The following NEBL variants were observed in gnomAD, a reference collection of about 807,000 sequenced individuals.
NEBL encodes LIM and SH3 protein 2.
In NEBL, 122 loss-of-function variants were observed where a neutral mutation model predicts 140.2. That is an observed-to-expected ratio of 0.87 (90% CI 0.75 to 1.01). The LOEUF (loss-of-function observed/expected upper bound fraction) is 1.01. NEBL is among the 50% of genes least tolerant of loss of function. The pLI is 0.00. For synonymous variants in NEBL, 436 were observed against 398.9 expected (o/e 1.09, Z -1.11); for missense variants, 1,365 against 1,231.3 (o/e 1.11, Z -1.62).
chr10:21,030,478 A>G, intron 2 of NEBL: 7 of 768,202 alleles, frequency 9.1e-6, no homozygotes, highest in Non-Finnish European at 1.6e-5. Flanking sequence ...ATCAGCCCCA[A>G]AAGGTAATGC....
chr10:21,119,862 T>C (rs889034778), intron 2 of NEBL, among the ~76,000 whole-genome samples: 2 of 152,114 alleles, frequency 1.3e-5, no homozygotes, highest in Non-Finnish European at 2.9e-5. Flanking sequence ...TTAGATGTCA[T>C]ATCTCTTCAA....
intron 11 of NEBL, among the ~76,000 whole-genome samples, chr10:20,848,891 A>G (rs4261191): frequency 0.43 from 65,737 of 152,052 alleles, 15,560 homozygotes; most frequent in African/African-American, 0.64. Flanking sequence ...AGTAAACCAT[A>G]GTAATATCTG....
intron 2 of NEBL, among the ~76,000 whole-genome samples, chr10:21,087,920 C>G (rs543983999): frequency 6.6e-6 from 1 of 152,158 alleles, no homozygotes; most frequent in Non-Finnish European, 1.5e-5. Context: ...ATAGGCAAAT[C>G]GATTTCTGCC....
intron 26 of NEBL, among the ~76,000 whole-genome samples, chr10:20,799,973 G>A (rs534378306): frequency 7.9e-5 from 12 of 152,020 alleles, no homozygotes; most frequent in South Asian, 2.1e-4. Context: ...GAGAGCGCAC[G>A]CGTGTGAGAG....
intron 4 of NEBL, among the ~76,000 whole-genome samples, chr10:20,903,716 C>G (rs1474305190): frequency 6.6e-6 from 1 of 151,568 alleles, no homozygotes; most frequent in Non-Finnish European, 1.5e-5. Context: ...TATTTTGTAG[C>G]AACTGGGATG....
chr10:20,845,472 A>G, intron 11 of NEBL, 104 bp from the exon 12 acceptor site: 1 of 730,968 alleles, frequency 1.4e-6, no homozygotes, highest in Non-Finnish European at 2.4e-6. Flanking sequence ...TTTCTTAGGT[A>G]GTTCTACCAC....
intron 4 of NEBL, among the ~76,000 whole-genome samples, chr10:20,904,421 C>T (rs1333542095): frequency 3.3e-5 from 5 of 152,118 alleles, no homozygotes. Context: ...AGAGTCATGA[C>T]TTTACCACTT....
At chr10:21,225,892 G>A (rs1247322212) in intron 3 of NEBL, among the ~76,000 whole-genome samples, 1 of 152,084 alleles carries the variant, frequency 6.6e-6, no homozygotes, top group African/African-American at 2.4e-5. Flanking sequence ...TGGTCAGCTG[G>A]TACCTAAGCT....
chr10:21,095,563 G>A (rs183998936), intron 2 of NEBL, among the ~76,000 whole-genome samples: 15 of 152,120 alleles, frequency 9.9e-5, no homozygotes, highest in African/African-American at 3.1e-4. Context: ...GAAGCTAATC[G>A]GATTATTTAG....
intron 3 of NEBL, among the ~76,000 whole-genome samples, chr10:21,219,860 G>GTTTT (rs11333216): frequency 7.8e-6 from 1 of 128,956 alleles, no homozygotes; most frequent in African/African-American, 2.9e-5. Flanking sequence ...ATTTTCTTGG[G>GTTTT]TTTTTTTTTT....
At chr10:20,974,278 G>T (rs1247582037) in intron 3 of NEBL, among the ~76,000 whole-genome samples, 28 of 148,246 alleles carry the variant, frequency 1.9e-4, no homozygotes, top group African/African-American at 6.2e-4. Context: ...CTTTTAGACA[G>T]GGTCTCACTC....
chr10:20,921,749 A>G (rs1168485308), intron 4 of NEBL, among the ~76,000 whole-genome samples: 1 of 151,544 alleles, frequency 6.6e-6, no homozygotes, highest in East Asian at 1.9e-4. Flanking sequence ...ATGCACACAC[A>G]TACACATATC....
intron 4 of NEBL, among the ~76,000 whole-genome samples, chr10:20,930,313 A>T (rs1256565959): frequency 6.6e-6 from 1 of 151,970 alleles, no homozygotes; most frequent in African/African-American, 2.4e-5. Flanking sequence ...GTTTTATTGG[A>T]TCTATCTCCA....
intron 3 of NEBL, among the ~76,000 whole-genome samples, chr10:20,992,327 T>C (rs1267397209): frequency 6.6e-6 from 1 of 152,238 alleles, no homozygotes; most frequent in Non-Finnish European, 1.5e-5. Context: ...GTTGAAGTTA[T>C]AGATACTTTC....
chr10:21,288,987 A>G (rs1215995689), intron 1 of NEBL, among the ~76,000 whole-genome samples: 8 of 148,908 alleles, frequency 5.4e-5, no homozygotes, highest in Non-Finnish European at 1.2e-4. Flanking sequence ...AGCTGGGATT[A>G]CAGGTGCCCA....
chr10:21,164,394 A>T (rs1840677230), intron 2 of NEBL, among the ~76,000 whole-genome samples: 1 of 152,160 alleles, frequency 6.6e-6, no homozygotes, highest in South Asian at 2.1e-4. Flanking sequence ...TCTGTAAAGC[A>T]CTCGTCTGAA....
intron 4 of NEBL, among the ~76,000 whole-genome samples, chr10:20,887,411 C>CT (rs36034071): frequency 0.058 from 4,648 of 80,608 alleles, 325 homozygotes; most frequent in African/African-American, 0.14. Context: ...TGAATTCAAC[C>CT]TTTTTTTTTT....
intron 4 of NEBL, among the ~76,000 whole-genome samples, chr10:20,959,965 C>A (rs1301272642): frequency 6.6e-6 from 1 of 151,880 alleles, no homozygotes; most frequent in Non-Finnish European, 1.5e-5. Flanking sequence ...AATGGATCTG[C>A]AAACCACCTC....
intron 4 of NEBL, among the ~76,000 whole-genome samples, chr10:20,936,046 T>A (rs913482069): frequency 6.6e-6 from 1 of 152,184 alleles, no homozygotes; most frequent in Non-Finnish European, 1.5e-5. Flanking sequence ...AGACTGGAAA[T>A]ACTGCTGCTA....
Sources: gnomAD v4.1 joint callset for allele counts (sites outside exome capture counted in the v4.1 genomes callset) on GRCh38, gnomAD v4.1.1 for gene constraint, MANE v1.5 for transcripts, NCBI Gene and HGNC (gene_info 2026-07-23, HGNC 2026-07-21) for gene names.